The following BMPER variants were observed in gnomAD, a reference collection of about 807,000 sequenced individuals.
BMPER encodes BMP binding endothelial regulator.
Under a neutral mutation model 87.3 loss-of-function variants are expected in BMPER, and 45 were observed. The observed-to-expected ratio is 0.52, with a 90% CI of 0.41 to 0.66. The LOEUF is 0.66. BMPER is among the 30% of genes least tolerant of loss of function. The probability of loss-of-function intolerance (pLI) is 0.00; values close to 1 mark genes in which losing one functional copy is unlikely to be tolerated. For synonymous variants in BMPER, 326 were observed against 316.2 expected, an observed-to-expected ratio of 1.03 and a Z score of -0.33; for missense variants, 784 against 867.5, an observed-to-expected ratio of 0.90 and a Z score of 1.21.
intron 13 of BMPER, among the ~76,000 whole-genome samples, chr7:34,131,877 G>T (rs1200565160): frequency 1.3e-5 from 2 of 152,168 alleles, no homozygotes; most frequent in African/African-American, 4.8e-5. Flanking sequence ...CTTCAGTGGG[G>T]CTGGAGATGG....
chr7:34,132,532 A>T (rs143888903), intron 13 of BMPER, among the ~76,000 whole-genome samples: 1 of 152,156 alleles, frequency 6.6e-6, no homozygotes, highest in African/African-American at 2.4e-5. Flanking sequence ...CACACAGCGG[A>T]TATTCTCTTG....
At chr7:34,003,629 G>A (rs925892749) in intron 6 of BMPER, among the ~76,000 whole-genome samples, 2 of 151,970 alleles carry the variant, frequency 1.3e-5, no homozygotes, top group Non-Finnish European at 2.9e-5. Context: ...AATGAATTCT[G>A]TTAATTTTTA....
intron 6 of BMPER, among the ~76,000 whole-genome samples, chr7:33,989,764 C>T (rs1786147837): frequency 6.6e-6 from 1 of 152,120 alleles, no homozygotes; most frequent in African/African-American, 2.4e-5. Flanking sequence ...ACGTTTAAGT[C>T]TTTAATCCAT....
intron 11 of BMPER, among the ~76,000 whole-genome samples, chr7:34,062,676 G>C (rs986859851): frequency 2.6e-5 from 4 of 152,160 alleles, no homozygotes; most frequent in African/African-American, 9.7e-5. Flanking sequence ...AAACCTAGAT[G>C]GTATAACCTA....
intron 13 of BMPER, among the ~76,000 whole-genome samples, chr7:34,115,796 C>T (rs1178128898): frequency 2.0e-5 from 3 of 151,976 alleles, no homozygotes; most frequent in African/African-American, 4.8e-5. Flanking sequence ...AGAGTAATAC[C>T]GTGTACATGT....
At chr7:33,905,419 G>GCCCCCCCCCCCCCCCCCC, upstream of BMPER, 3 of 110,386 alleles carry the variant, frequency 2.7e-5, no homozygotes, top group South Asian at 1.8e-4. Context: ...CTCCCCGGGC[G>GCCCCCCCCCCCCCCCCCC]CCCCCACACC....
intron 6 of BMPER, among the ~76,000 whole-genome samples, chr7:34,024,036 A>G (rs531660337): frequency 6.6e-6 from 1 of 152,068 alleles, no homozygotes; most frequent in African/African-American, 2.4e-5. Context: ...AATTGGATGG[A>G]AATCCTAGTC....
chr7:34,040,829 G>A (rs554310816), intron 6 of BMPER, among the ~76,000 whole-genome samples: 2 of 152,254 alleles, frequency 1.3e-5, no homozygotes, highest in East Asian at 3.9e-4. Flanking sequence ...AAAAGAGGGA[G>A]AGAAGGAAAG....
intron 11 of BMPER, among the ~76,000 whole-genome samples, chr7:34,075,026 A>C (rs1788828260): frequency 6.6e-6 from 1 of 151,512 alleles, no homozygotes; most frequent in Non-Finnish European, 1.5e-5. Context: ...TTTTTAGAAC[A>C]TGTGATTGTA....
intron 13 of BMPER, among the ~76,000 whole-genome samples, chr7:34,132,770 A>T (rs1000056993): frequency 6.6e-6 from 1 of 152,128 alleles, no homozygotes; most frequent in Non-Finnish European, 1.5e-5. Context: ...GAATATTAGT[A>T]CTGTGGAGAC....
intron 13 of BMPER, among the ~76,000 whole-genome samples, chr7:34,099,076 G>A (rs1056775143): frequency 2.0e-5 from 3 of 151,926 alleles, no homozygotes; most frequent in Non-Finnish European, 4.4e-5. Flanking sequence ...CAATCATAAG[G>A]CCAGGAGTAA....
At chr7:34,000,061 T>A (rs926174860) in intron 6 of BMPER, among the ~76,000 whole-genome samples, 1 of 152,194 alleles carries the variant, frequency 6.6e-6, no homozygotes, top group African/African-American at 2.4e-5. Flanking sequence ...AAATGGCCCA[T>A]CTGTAATTCT....
intron 13 of BMPER, among the ~76,000 whole-genome samples, chr7:34,129,526 G>A (rs1455493840): frequency 2.0e-5 from 3 of 148,912 alleles, no homozygotes; most frequent in Non-Finnish European, 4.4e-5. Flanking sequence ...GACAGAGCGA[G>A]ACGCTGTCTC....
intron 14 of BMPER, among the ~76,000 whole-genome samples, chr7:34,144,794 C>T (rs1404220430): frequency 6.6e-6 from 1 of 152,072 alleles, no homozygotes; most frequent in African/African-American, 2.4e-5. Flanking sequence ...TTTTAAAGGG[C>T]CAGATTTACC....
chr7:34,010,552 C>CA (rs1029526956), intron 6 of BMPER, among the ~76,000 whole-genome samples: 1 of 151,816 alleles, frequency 6.6e-6, no homozygotes, highest in Non-Finnish European at 1.5e-5. Context: ...TGTGATTTTC[C>CA]AAAGTAAACC....
chr7:33,998,855 A>T lies in BMPER; in HGVS notation c.576+24071A>T, dbSNP rs114279846. Among the ~76,000 whole-genome samples, 415 of 152,320 alleles carry T rather than the reference A, an allele frequency of 2.7e-3. 2 individuals carry two copies. The highest frequency in any genetic ancestry group is 9.5e-3 in the African/African-American group (394 of 41,578). ...GAGGCCAGTCTAATTTAGAAGCCAA[A>T]CAACTTTCTTTTGTCTTACTTGTTT... is the stretch of plus-strand genomic sequence containing the variant. On this transcript the variant is annotated intron_variant, in intron 6 of 14. Transcript: ENST00000649409.
rs538468196 is a variant in BMPER, at chr7:34,018,449, A to C, written c.577-27857A>C. ...GCACTGAAGGTGGACTTAGTTTTAT[A>C]AGCTTCAGATCCTCATTTAGAAAAG... On this transcript the variant is annotated intron_variant, in intron 6 of 14. Coordinates refer to ENST00000649409, the MANE Select transcript of BMPER (RefSeq NM_001365308.1). Among the ~76,000 whole-genome samples the C allele has an allele frequency of 1.6e-4, 24 of 152,088 alleles. 2 individuals are homozygous for C. In the South Asian group the frequency reaches 4.8e-3, roughly 30 times the overall value.
Position 33,951,347 on chromosome 7 carries a change from C to T in BMPER, c.319+13959C>T, listed in dbSNP as rs147608530. 4.4e-3 allele frequency among the ~76,000 whole-genome samples: 670 copies of T among 152,222 alleles called. 1 individual carries two copies. The highest frequency in any genetic ancestry group is 7.2e-3 in the Non-Finnish European group (492 of 68,002). The stretch of plus-strand genomic sequence containing the variant: ...ACAGGTGTGAGCCACTGCACCTGGA[C>T]GGGAGGGTTTCTTCTGTTTCTCTCA... On this transcript the variant is annotated intron_variant, in intron 3 of 14. Coordinates refer to ENST00000649409, the MANE Select transcript of BMPER (RefSeq NM_001365308.1).
chr7:34,048,348 A>G (rs1399564776), intron 7 of BMPER, among the ~76,000 whole-genome samples: 3 of 152,084 alleles, frequency 2.0e-5, no homozygotes, highest in African/African-American at 7.2e-5. Flanking sequence ...TACACCTGCT[A>G]CACACACGTA....
Sources: gnomAD v4.1 joint callset for allele counts (sites outside exome capture counted in the v4.1 genomes callset) on GRCh38, gnomAD v4.1.1 for gene constraint, MANE v1.5 for transcripts, NCBI Gene and HGNC (gene_info 2026-07-23, HGNC 2026-07-21) for gene names.